MYO16: variants seen among roughly 807,000 people sequenced by gnomAD.
MYO16 encodes unconventional myosin-XVI.
MYO16 carries 94 observed loss-of-function variants against 205.3 expected under a neutral mutation model. The observed-to-expected ratio is 0.46, with a 90% CI of 0.39 to 0.54. The LOEUF (loss-of-function observed/expected upper bound fraction) is 0.54, where lower values mean the gene tolerates loss of function less well. MYO16 is among the 20% of genes least tolerant of loss of function. MYO16 has a pLI of 0.00. For synonymous variants in MYO16, 988 were observed against 954.0 expected (o/e 1.04, Z -0.66); for missense variants, 2,315 against 2,387.5 (o/e 0.97, Z 0.63).
chr13:108,855,885 G>T (rs1356466339), intron 11 of MYO16, among the ~76,000 whole-genome samples: 1 of 152,200 alleles, frequency 6.6e-6, no homozygotes, highest in East Asian at 1.9e-4. Context: ...ATTGCTGTCT[G>T]TCTCCTCTAC....
chr13:108,862,313 CT>C (rs1444336729), intron 11 of MYO16, among the ~76,000 whole-genome samples: 1 of 152,128 alleles, frequency 6.6e-6, no homozygotes, highest in Admixed American at 6.6e-5. Flanking sequence ...ATGATTTTGA[CT>C]TGCAGGATTT....
chr13:108,961,656 G>A lies in MYO16; in HGVS notation c.2155G>A (p.Val719Met), dbSNP rs1236711717. The A allele has an allele frequency of 5.0e-6, 8 of 1,607,738 alleles. No individual in the cohort carries two copies. The highest frequency in any genetic ancestry group is 6.8e-6 in the Non-Finnish European group (8 of 1,174,264). The change falls in exon 18 of 35, where the codon GTG becomes ATG. Residue 719 changes from valine to methionine, a missense_variant and splice_region_variant. Physicochemically the swap from Val to Met is conservative, Grantham distance 21. Around this residue, in one of 3 missense-constraint regions of MYO16, gnomAD observed 1,213 missense variants for 1,274.4 expected, o/e 0.95. Coordinates refer to ENST00000457511, the MANE Select transcript of MYO16 (RefSeq NM_001198950.3). ...FVSDLQLLEQ[V>M]AGMLQVSTDE... Reference sequence around the variant, plus strand: ...TTCTGACCTCCAGCTCCTGGAACAAGGTCAGTGGAACATGACCTTCTGACA... The same window carrying A: ...TTCTGACCTCCAGCTCCTGGAACAAAGTCAGTGGAACATGACCTTCTGACA...
At chr13:108,763,657 G>C (rs1008954561) in intron 4 of MYO16, among the ~76,000 whole-genome samples, 2 of 152,066 alleles carry the variant, frequency 1.3e-5, no homozygotes, top group African/African-American at 2.4e-5. Flanking sequence ...ACCAGTTAAC[G>C]AAATCTTTTT....
intron 7 of MYO16, among the ~76,000 whole-genome samples, chr13:108,809,097 C>A (rs1449763157): frequency 1.3e-5 from 2 of 152,184 alleles, no homozygotes; most frequent in Admixed American, 6.5e-5. Flanking sequence ...CTGCAGAAGC[C>A]ATGTTGACTT....
intron 7 of MYO16, among the ~76,000 whole-genome samples, chr13:108,808,471 C>A (rs1209493474): frequency 6.6e-6 from 1 of 151,934 alleles, no homozygotes; most frequent in Admixed American, 6.6e-5. Flanking sequence ...ACCACCACGC[C>A]TGGCTAATTT....
At chr13:108,499,326 G>A in the MYO16 span, among the ~76,000 whole-genome samples, 1 of 152,218 alleles carries the variant, frequency 6.6e-6, no homozygotes, top group Admixed American at 6.5e-5. Context: ...GGCGAGGTGT[G>A]CTCCTTGGGA....
rs185851320 is a variant in MYO16, at chr13:108,601,894, A to C, written c.-39+5655A>C. On this transcript the variant is annotated intron_variant, in intron 1 of 24. Coordinates refer to the MYO16 transcript ENST00000251041. ...TGTGACTTTGAAATTGGTGCTCTCA[A>C]TTCTTTCAACCTGCTGTGGACTGAA... Among the ~76,000 whole-genome samples, 595 of 152,070 alleles carry C rather than the reference A, an allele frequency of 3.9e-3. 14 individuals carry two copies. In the South Asian group the frequency reaches 0.075, roughly 19 times the overall value.
intron 5 of MYO16, among the ~76,000 whole-genome samples, chr13:108,791,726 ACG>A (rs1886622398): frequency 6.6e-6 from 1 of 152,226 alleles, no homozygotes; most frequent in South Asian, 2.1e-4. Context: ...GATATGCAAC[ACG>A]CTTGATGTGG....
chr13:108,611,053 C>A (rs1262760454), intron 1 of MYO16, among the ~76,000 whole-genome samples: 2 of 152,096 alleles, frequency 1.3e-5, no homozygotes, highest in African/African-American at 2.4e-5. Flanking sequence ...TAAAGATATC[C>A]ATTAGGTATC....
intron 21 of MYO16, among the ~76,000 whole-genome samples, chr13:108,998,690 A>G (rs1885115291): frequency 6.6e-6 from 1 of 152,192 alleles, no homozygotes; most frequent in Non-Finnish European, 1.5e-5. Context: ...CCTTAGCTAG[A>G]TAACTGGAGT....
Position 108,823,191 on chromosome 13 carries a change from T to A in MYO16, c.1010T>A (p.Met337Lys). ...GCCGAAATTGCCTGGGAAGAAAAAA[T>A]GAAAGAGCCTTTATCTGCTTCTACC... ...LKAEIAWEEK[M>K]KEPLSASTLA... is the part of the protein sequence containing the mutation. The change falls in exon 9 of 35, where the codon ATG becomes AAG. Residue 337 changes from methionine (M) to lysine (K), a missense_variant. By Grantham distance (95) the Met-to-Lys change is moderately conservative. Around this residue, in one of 3 missense-constraint regions of MYO16, gnomAD observed 1,213 missense variants for 1,274.4 expected, o/e 0.95. Coordinates refer to ENST00000457511, the MANE Select transcript of MYO16 (RefSeq NM_001198950.3). 6.2e-7 allele frequency: 1 copy of A among 1,613,102 alleles called. No homozygotes were observed. The highest frequency in any genetic ancestry group is 8.5e-7 in the Non-Finnish European group (1 of 1,179,494).
At chr13:108,652,683 T>G (rs1881064533) in intron 1 of MYO16, among the ~76,000 whole-genome samples, 1 of 152,208 alleles carries the variant, frequency 6.6e-6, no homozygotes, top group Admixed American at 6.5e-5. Flanking sequence ...TTTATTTCAC[T>G]TAAAAAGTGT....
chr13:108,855,494 C>T lies in MYO16; in HGVS notation c.1300C>T (p.Leu434Phe). ...CGATGACCTGGCAACGCTCAGCGAGCTCAATGATGGCAGCCTGCTCTATGA... is the reference window on the plus strand; with the variant it reads ...CGATGACCTGGCAACGCTCAGCGAGTTCAATGATGGCAGCCTGCTCTATGA... The part of the protein sequence containing the change: ...PNDDLATLSE[L>F]NDGSLLYEIQ... The change falls in exon 11 of 35, where the codon CTC (leucine) becomes TTC (phenylalanine). Residue 434 changes from leucine (L) to phenylalanine (F), a missense_variant. Leu to Phe is a conservative substitution (Grantham distance 22). Transcript: ENST00000457511. 6.3e-7 allele frequency: 1 copy of T among 1,598,268 alleles called. No homozygotes were observed. Among genetic ancestry groups the T allele is most frequent in the African/African-American group, 1.3e-5 (1 of 74,912 alleles).
chr13:108,668,869 A>C (rs1355654881), intron 2 of MYO16, among the ~76,000 whole-genome samples: 1 of 152,076 alleles, frequency 6.6e-6, no homozygotes, highest in African/African-American at 2.4e-5. Flanking sequence ...CAGAGGGTGA[A>C]ATCGGGACAG....
At chr13:108,656,375 A>G (rs889045076) in intron 1 of MYO16, among the ~76,000 whole-genome samples, 2 of 152,106 alleles carry the variant, frequency 1.3e-5, no homozygotes, top group African/African-American at 4.8e-5. Context: ...GGCCTCTCCA[A>G]CCATAGGGAA....
intron 11 of MYO16, among the ~76,000 whole-genome samples, chr13:108,857,607 C>G (rs1878249402): frequency 1.3e-5 from 2 of 152,130 alleles, no homozygotes; most frequent in African/African-American, 4.8e-5. Flanking sequence ...ATGCACTTCT[C>G]CTTTAATCCC....
chr13:109,118,362 G>A (rs1875826117), intron 28 of MYO16, among the ~76,000 whole-genome samples: 1 of 152,166 alleles, frequency 6.6e-6, no homozygotes, highest in African/African-American at 2.4e-5. Flanking sequence ...ATGGCTGTTA[G>A]AAATGCCACT....
chr13:108,593,714 CCACTAAA>C (rs1334821685), upstream of MYO16, among the ~76,000 whole-genome samples: 1 of 152,088 alleles, frequency 6.6e-6, no homozygotes, highest in Non-Finnish European at 1.5e-5. Context: ...ACCCATGAAT[CCACTAAA>C]CACACCTTTC....
chr13:109,181,999 A>T (rs986049165), intron 34 of MYO16, among the ~76,000 whole-genome samples: 1 of 151,872 alleles, frequency 6.6e-6, no homozygotes, highest in Non-Finnish European at 1.5e-5. Context: ...TTGTATTTTT[A>T]GTAGAGATGG....
Sources: gnomAD v4.1 joint callset for allele counts (sites outside exome capture counted in the v4.1 genomes callset) on GRCh38, gnomAD v4.1.1 for gene constraint, gnomAD v4.1.1 regional missense constraint, MANE v1.5 for transcripts, NCBI Gene and HGNC (gene_info 2026-07-23, HGNC 2026-07-21) for gene names.